CDK14: variants seen among roughly 807,000 people sequenced by gnomAD.
The protein encoded by CDK14 is cyclin dependent kinase 14, also known as cyclin-dependent kinase 14.
Under a neutral mutation model 60.7 loss-of-function variants are expected in CDK14, and 34 were observed. The ratio of observed to expected loss-of-function variants is 0.56; its 90% CI spans 0.43 to 0.75. The LOEUF is 0.75. Ranked by LOEUF, CDK14 falls within the 30% of genes least tolerant of loss-of-function variation. The pLI is 0.00. For synonymous variants in CDK14, 197 were observed against 203.7 expected (o/e 0.97, Z 0.28); for missense variants, 482 against 564.1 (o/e 0.85, Z 1.47).
intron 14 of CDK14, among the ~76,000 whole-genome samples, chr7:91,154,177 T>A (rs929435642): frequency 2.6e-5 from 4 of 152,080 alleles, no homozygotes; most frequent in African/African-American, 7.2e-5. Flanking sequence ...GCTTTTTTTT[T>A]TTAAACAGAA....
chr7:91,088,678 C>G (rs1388454773), intron 12 of CDK14, among the ~76,000 whole-genome samples: 1 of 151,538 alleles, frequency 6.6e-6, no homozygotes, highest in Non-Finnish European at 1.5e-5. Flanking sequence ...TATTGTTATA[C>G]AGCATATCTT....
intron 10 of CDK14, among the ~76,000 whole-genome samples, chr7:91,031,297 G>A (rs1796751694): frequency 6.6e-6 from 1 of 151,988 alleles, no homozygotes; most frequent in African/African-American, 2.4e-5. Flanking sequence ...TCTGTATCAT[G>A]AGCAGAAACC....
chr7:90,734,065 T>A (rs968873738), intron 3 of CDK14, among the ~76,000 whole-genome samples: 8 of 152,226 alleles, frequency 5.3e-5, no homozygotes, highest in Non-Finnish European at 1.0e-4. Flanking sequence ...CCTTCCCTTA[T>A]GAAGCTTAGT....
chr7:90,705,810 GAT>G (rs1437244024), intron 2 of CDK14, among the ~76,000 whole-genome samples: 1 of 151,776 alleles, frequency 6.6e-6, no homozygotes, highest in Non-Finnish European at 1.5e-5. Flanking sequence ...AGAACACTTA[GAT>G]GTCAGATTAT....
At chr7:90,716,588 C>T (rs1315258080) in intron 2 of CDK14, among the ~76,000 whole-genome samples, 1 of 152,096 alleles carries the variant, frequency 6.6e-6, no homozygotes, top group African/African-American at 2.4e-5. Flanking sequence ...CTTCTCTACT[C>T]ATCACTCATT....
chr7:90,892,753 A>T (rs1792175106), intron 6 of CDK14, among the ~76,000 whole-genome samples: 1 of 152,152 alleles, frequency 6.6e-6, no homozygotes, highest in Non-Finnish European at 1.5e-5. Flanking sequence ...GTTAGTCAAC[A>T]GCAGGAAAAG....
Position 90,755,131 on chromosome 7 carries a change from C to T in CDK14, c.464+7356C>T, listed in dbSNP as rs192180708. On this transcript the variant is annotated intron_variant, in intron 4 of 14. Coordinates refer to ENST00000380050, the MANE Select transcript of CDK14 (RefSeq NM_001287135.2). ...TTACTGGGTATATATCCAAAAGAAA[C>T]GAAATTGTTCTACCAAAAAGACACA... is the stretch of plus-strand genomic sequence containing the variant. Among the ~76,000 whole-genome samples, 37 of 152,140 alleles carry T rather than the reference C, an allele frequency of 2.4e-4. No homozygotes were observed. The East Asian group carries it at 6.4e-3, about 26-fold the overall frequency.
intron 11 of CDK14, among the ~76,000 whole-genome samples, chr7:91,052,395 C>T (rs1036656166): frequency 6.6e-6 from 1 of 152,082 alleles, no homozygotes; most frequent in Non-Finnish European, 1.5e-5. Context: ...TTCTCATTGC[C>T]CTGCTAAAGA....
chr7:90,633,915 T>G (rs986790541), intron 2 of CDK14, among the ~76,000 whole-genome samples: 2 of 152,164 alleles, frequency 1.3e-5, no homozygotes, highest in African/African-American at 4.8e-5. Flanking sequence ...AGTCGGCAGA[T>G]TATGTTGTGA....
chr7:91,091,721 AGAAGGAAGGAAG>A (rs869034752), intron 12 of CDK14, among the ~76,000 whole-genome samples: 3 of 103,778 alleles, frequency 2.9e-5, no homozygotes, highest in South Asian at 3.6e-4. Flanking sequence ...AGGGAAGGAA[AGAAGGAAGGAAG>A]GAAGGAAGGA....
intron 6 of CDK14, among the ~76,000 whole-genome samples, chr7:90,894,124 AATC>A (rs1292260977): frequency 6.6e-6 from 1 of 152,222 alleles, no homozygotes; most frequent in East Asian, 1.9e-4. Flanking sequence ...CATCATCATG[AATC>A]ATCATCACCT....
intron 8 of CDK14, among the ~76,000 whole-genome samples, chr7:90,922,261 A>G (rs940252939): frequency 1.3e-5 from 2 of 152,204 alleles, no homozygotes; most frequent in African/African-American, 2.4e-5. Flanking sequence ...TAGCAAAAAC[A>G]ACTTTATTAC....
At chr7:90,968,700 A>T (rs1342663630) in intron 9 of CDK14, among the ~76,000 whole-genome samples, 1 of 152,188 alleles carries the variant, frequency 6.6e-6, no homozygotes, top group Non-Finnish European at 1.5e-5. Flanking sequence ...CAGATTAAAA[A>T]CTTTATTATA....
At chr7:90,765,372 A>G (rs1804510713) in intron 4 of CDK14, among the ~76,000 whole-genome samples, 1 of 152,232 alleles carries the variant, frequency 6.6e-6, no homozygotes, top group Non-Finnish European at 1.5e-5. Context: ...AAGAATGTGT[A>G]TCATCTCAGT....
chr7:90,608,519 CT>C (rs1799468953), intron 2 of CDK14: 1 of 982,410 alleles, frequency 1.0e-6, no homozygotes, highest in African/African-American at 1.7e-5. Flanking sequence ...CTTTATCCCT[CT>C]GTTTTTTAGC....
rs561246324 is a variant in CDK14, at chr7:90,796,041, C to T, written c.544+5389C>T. On this transcript the variant is annotated intron_variant, in intron 5 of 14. Coordinates refer to ENST00000380050, the MANE Select transcript of CDK14 (RefSeq NM_001287135.2). The stretch of plus-strand genomic sequence containing the variant: ...TTAGCTTCTGGGAAACACAGAGAAG[C>T]GGGGAATGCAATGAATCCTTAGCAC... 5.3e-5 allele frequency among the ~76,000 whole-genome samples: 8 copies of T among 152,208 alleles called. No homozygotes were observed. In the East Asian group the frequency reaches 7.7e-4, roughly 15 times the overall value.
chr7:90,608,289 T>G (rs926468273), intron 2 of CDK14, among the ~76,000 whole-genome samples: 1 of 152,214 alleles, frequency 6.6e-6, no homozygotes, highest in South Asian at 2.1e-4. Context: ...ATGATTTATT[T>G]TAGAATATTA....
chr7:90,912,593 T>G (rs1792943211), intron 7 of CDK14, among the ~76,000 whole-genome samples: 1 of 151,792 alleles, frequency 6.6e-6, no homozygotes, highest in Non-Finnish European at 1.5e-5. Flanking sequence ...TTGTTGGGGG[T>G]TTTTTGTTTT....
chr7:90,610,884 A>G (rs4601236), intron 2 of CDK14, among the ~76,000 whole-genome samples: 16,502 of 152,164 alleles, frequency 0.11, 1,095 homozygotes, highest in Middle Eastern at 0.16. Context: ...ACTTCGATAT[A>G]TGAATTTTTG....
Sources: gnomAD v4.1 joint callset for allele counts (sites outside exome capture counted in the v4.1 genomes callset) on GRCh38, gnomAD v4.1.1 for gene constraint, MANE v1.5 for transcripts, NCBI Gene and HGNC (gene_info 2026-07-23, HGNC 2026-07-21) for gene names.